Variants in NUMB observed in about 807,000 individuals in gnomAD.
NUMB encodes the protein NUMB endocytic adaptor protein.
A neutral mutation model predicts 59.7 loss-of-function variants in NUMB; 29 were observed. The observed-to-expected ratio is 0.49, with a 90% CI of 0.36 to 0.66. NUMB has a LOEUF of 0.66. Among genes scored for constraint, NUMB ranks in the 30% least tolerant of loss-of-function variants. The probability of loss-of-function intolerance (pLI) is 0.00; values close to 1 mark genes in which losing one functional copy is unlikely to be tolerated. For synonymous variants in NUMB, 288 were observed against 288.2 expected (o/e 1.00, Z 0.01); for missense variants, 723 against 822.0 (o/e 0.88, Z 1.47).
chr14:73,360,849 A>C (rs1894067064), intron 3 of NUMB, among the ~76,000 whole-genome samples: 1 of 151,616 alleles, frequency 6.6e-6, no homozygotes, highest in Non-Finnish European at 1.5e-5. Flanking sequence ...AATTTATTTT[A>C]TTTTATTTTA....
chr14:73,431,319 G>A (rs1178337813), intron 1 of NUMB, among the ~76,000 whole-genome samples: 2 of 145,206 alleles, frequency 1.4e-5, no homozygotes, highest in Admixed American at 6.8e-5. Flanking sequence ...GCACTGGCGC[G>A]ATCTCGGCTC....
intron 1 of NUMB, among the ~76,000 whole-genome samples, chr14:73,416,332 C>CTT (rs3028740): frequency 0.095 from 13,488 of 141,300 alleles, 1,239 homozygotes; most frequent in African/African-American, 0.23. Context: ...TTTTTCTTTT[C>CTT]TTTTTTTTTT....
At chr14:73,374,957 C>G (rs748500603) in intron 2 of NUMB, among the ~76,000 whole-genome samples, 13 of 151,886 alleles carry the variant, frequency 8.6e-5, no homozygotes, top group Non-Finnish European at 1.6e-4. Flanking sequence ...CTGACCTCAG[C>G]TGATCTGCCC....
At chr14:73,414,989 G>A (rs1370830727) in intron 1 of NUMB, among the ~76,000 whole-genome samples, 4 of 152,088 alleles carry the variant, frequency 2.6e-5, no homozygotes, top group Non-Finnish European at 5.9e-5. Flanking sequence ...CAAAGTGCTG[G>A]GATACAGGTG....
chr14:73,401,520 C>T (rs1289380195), intron 2 of NUMB, among the ~76,000 whole-genome samples: 3 of 151,506 alleles, frequency 2.0e-5, no homozygotes, highest in Admixed American at 1.3e-4. Flanking sequence ...CAGAGCACAT[C>T]CATGTGTACA....
intron 2 of NUMB, among the ~76,000 whole-genome samples, chr14:73,370,357 C>A (rs1347902702): frequency 1.3e-5 from 2 of 152,128 alleles, no homozygotes; most frequent in East Asian, 3.9e-4. Context: ...ACATGAGGTG[C>A]TTGAGGTTAC....
At chr14:73,363,584 T>C (rs1038287239) in intron 3 of NUMB, among the ~76,000 whole-genome samples, 2 of 152,168 alleles carry the variant, frequency 1.3e-5, no homozygotes, top group African/African-American at 4.8e-5. Flanking sequence ...ATAACCTGGA[T>C]ACCAAAACCA....
rs141754609 is a variant in NUMB at position 73,439,691 on chromosome 14, G to A, written c.-233+18802C>T. On this transcript the variant is annotated intron_variant, in intron 1 of 12. Coordinates refer to ENST00000555238, the MANE Select transcript of NUMB (RefSeq NM_001005743.2). ...ACATGTGATCTTCCTTCAGAAAAAGGCTATGTGTAATAATACAAAAGAAGA... is the reference window on the plus strand; with the variant it reads ...ACATGTGATCTTCCTTCAGAAAAAGACTATGTGTAATAATACAAAAGAAGA... 2.9e-3 allele frequency among the ~76,000 whole-genome samples: 448 copies of A among 152,112 alleles called. 2 individuals carry two copies. The highest frequency in any genetic ancestry group is 0.021 in the Middle Eastern group (6 of 290).
intron 2 of NUMB, among the ~76,000 whole-genome samples, chr14:73,395,350 T>G (rs1039700451): frequency 1.3e-5 from 2 of 151,704 alleles, no homozygotes; most frequent in Admixed American, 1.3e-4. Context: ...GGGCTGGGCG[T>G]GGTGGCTCAT....
chr14:73,444,717 C>T (rs1043405442), intron 1 of NUMB, among the ~76,000 whole-genome samples: 2 of 151,106 alleles, frequency 1.3e-5, no homozygotes, highest in African/African-American at 4.9e-5. Context: ...ATTAGCCAGG[C>T]GTGGTGGCGT....
intron 8 of NUMB, among the ~76,000 whole-genome samples, chr14:73,291,086 GTTTT>G (rs914196611): frequency 7.0e-6 from 1 of 142,062 alleles, no homozygotes; most frequent in Non-Finnish European, 1.5e-5. Context: ...TTTGTTTTTT[GTTTT>G]TTTTTTTTGA....
At chr14:73,293,315 C>T (rs888232889) in intron 7 of NUMB, among the ~76,000 whole-genome samples, 40 of 151,856 alleles carry the variant, frequency 2.6e-4, no homozygotes, top group African/African-American at 9.7e-4. Context: ...TGCTTTTTTA[C>T]ATTATATATA....
intron 1 of NUMB, among the ~76,000 whole-genome samples, chr14:73,443,131 T>C (rs1465798868): frequency 1.3e-5 from 2 of 152,142 alleles, no homozygotes; most frequent in Non-Finnish European, 2.9e-5. Context: ...CAAAGCACTG[T>C]GCTGGGAATA....
intron 2 of NUMB, among the ~76,000 whole-genome samples, chr14:73,398,415 A>AGAGT (rs1438462148): frequency 0.051 from 6,072 of 118,802 alleles, 149 homozygotes; most frequent in East Asian, 0.093. Context: ...AGAGAGAGAG[A>AGAGT]GTGTGTGTGT....
intron 7 of NUMB, among the ~76,000 whole-genome samples, chr14:73,296,099 C>A (rs1435679240): frequency 6.8e-6 from 1 of 147,702 alleles, no homozygotes; most frequent in East Asian, 1.9e-4. Flanking sequence ...GATAGTCTAT[C>A]ATCTATTGTA....
intron 1 of NUMB, among the ~76,000 whole-genome samples, chr14:73,427,332 G>A (rs995341371): frequency 3.9e-5 from 6 of 151,920 alleles, no homozygotes; most frequent in East Asian, 3.9e-4. Flanking sequence ...GGGCATGGTC[G>A]CACACGCCTG....
chr14:73,447,452 C>T (rs531910967), intron 1 of NUMB, among the ~76,000 whole-genome samples: 3 of 151,922 alleles, frequency 2.0e-5, no homozygotes, highest in South Asian at 2.1e-4. Flanking sequence ...CACGCCATTG[C>T]GCTCCAGCCC....
intron 3 of NUMB, among the ~76,000 whole-genome samples, chr14:73,364,525 A>T (rs1432831930): frequency 6.6e-6 from 1 of 152,164 alleles, no homozygotes; most frequent in African/African-American, 2.4e-5. Context: ...AATTTTAAAA[A>T]AATAATAAAA....
chr14:73,427,738 A>C (rs1356315257), intron 1 of NUMB, among the ~76,000 whole-genome samples: 1 of 152,182 alleles, frequency 6.6e-6, no homozygotes, highest in Non-Finnish European at 1.5e-5. Flanking sequence ...TGTATCTATT[A>C]AGACTGCTTC....
Sources: allele counts gnomAD v4.1 joint callset (sites outside exome capture counted in the v4.1 genomes callset), GRCh38; gene constraint gnomAD v4.1.1; transcripts MANE v1.5; gene names NCBI Gene and HGNC (gene_info 2026-07-23, HGNC 2026-07-21).